Variants in NIFK observed in about 807,000 individuals in gnomAD.
NIFK encodes nucleolar protein interacting with the FHA domain of MKI67.
A neutral mutation model predicts 31.7 loss-of-function variants in NIFK; 16 were observed. The observed-to-expected ratio is 0.50, with a 90% CI of 0.34 to 0.77. The LOEUF is 0.77. Among genes scored for constraint, NIFK ranks in the 30% least tolerant of loss-of-function variants. The pLI is 0.01. For missense variants in NIFK, 341 were observed against 350.4 expected (o/e 0.97, Z 0.21); for synonymous variants, 126 against 123.0 (o/e 1.02, Z -0.16).
At chr2:121,728,119 T>A in intron 6 of NIFK, 169 bp downstream of exon 6, 1 of 681,012 alleles carries the variant, frequency 1.5e-6, no homozygotes, top group South Asian at 2.3e-5. Flanking sequence ...AAATATAGCA[T>A]GTTCCATTAT....
At chr2:121,729,815 CA>C (rs952150851) in intron 4 of NIFK, among the ~76,000 whole-genome samples, 7 of 152,146 alleles carry the variant, frequency 4.6e-5, no homozygotes, top group Non-Finnish European at 8.8e-5. Context: ...GTAAGTTAAA[CA>C]AATCAGATTA....
intron 3 of NIFK, 115 bp downstream of exon 3, chr2:121,731,981 T>C (rs1218692898): frequency 1.5e-6 from 1 of 673,152 alleles, no homozygotes; most frequent in Non-Finnish European, 2.7e-6. Flanking sequence ...TCTGTAAGAC[T>C]CATCCCAGAG....
chr2:121,729,426 T>G (rs1389110167), intron 4 of NIFK, among the ~76,000 whole-genome samples: 1 of 150,068 alleles, frequency 6.7e-6, no homozygotes, highest in East Asian at 2.0e-4. Flanking sequence ...CATACCATAA[T>G]AAGCTTCATT....
In NIFK at chr2:121,727,244, A is replaced by T. The variant is rs1436623955; in HGVS notation, c.*480T>A. The T allele has an allele frequency of 3.0e-6, 1 of 329,976 alleles. No individual in the cohort carries two copies. Among genetic ancestry groups the T allele is most frequent in the Non-Finnish European group, 6.3e-6 (1 of 157,914 alleles). 20.4% of individuals were successfully genotyped at this position (329,976 alleles called of 1,614,324 possible). On this transcript the variant is annotated 3_prime_UTR_variant, in exon 7 of 7. Coordinates refer to ENST00000285814, the MANE Select transcript of NIFK (RefSeq NM_032390.5). ...ATAAACAAATCTGTGCTAAAACTGG[A>T]ACTGCCTTCTCACTCTACATATAAT...
At chr2:121,736,354 G>A (rs1306106443) in intron 1 of NIFK, among the ~76,000 whole-genome samples, 1 of 152,250 alleles carries the variant, frequency 6.6e-6, no homozygotes, top group African/African-American at 2.4e-5. Context: ...TAAGTCTGGG[G>A]CTCCCATTTT....
intron 4 of NIFK, chr2:121,730,571 A>G (rs1448168197): frequency 2.5e-5 from 6 of 240,058 alleles, no homozygotes; most frequent in African/African-American, 4.6e-5. Context: ...CTGGCTGGGC[A>G]CGTGGCTCAT....
intron 4 of NIFK, chr2:121,730,641 C>T (rs1290836281): frequency 2.6e-5 from 11 of 419,722 alleles, no homozygotes; most frequent in South Asian, 1.7e-4. Context: ...GTCAGGAGTT[C>T]GAGACCAGCC....
intron 4 of NIFK, chr2:121,730,456 C>T (rs374246501): frequency 1.2e-5 from 2 of 161,274 alleles, no homozygotes; most frequent in South Asian, 1.7e-4. Flanking sequence ...GCTTGAACCC[C>T]GGAGGCGGAG....
intron 2 of NIFK, among the ~76,000 whole-genome samples, 157 bp downstream of exon 2, chr2:121,735,456 T>G (rs2074572212): frequency 6.6e-6 from 1 of 152,216 alleles, no homozygotes; most frequent in Non-Finnish European, 1.5e-5. Context: ...TAATACTGAT[T>G]TTGCTCCTGT....
chr2:121,728,493 G>A lies in NIFK; in HGVS notation c.608C>T (p.Thr203Met), dbSNP rs377016579. 3.2e-5 allele frequency: 50 copies of A among 1,585,600 alleles called. No homozygotes were observed. The highest frequency in any genetic ancestry group is 6.8e-5 in the African/African-American group (5 of 73,130). The change falls in exon 5 of 7, where the codon ACG becomes ATG. Residue 203 changes from threonine (T) to methionine (M), a missense_variant. Physicochemically the swap from Thr to Met is moderately conservative, Grantham distance 81 (BLOSUM62 -1). Coordinates refer to ENST00000285814, the MANE Select transcript of NIFK (RefSeq NM_032390.5). ...AAATTTTACCTGGCCTTTTGTAGAC[G>A]TCTGACGATTAGTTTTTGAAATACT... ...TESISKTNRQ[T>M]STKGQVLRKK... is the part of the protein sequence containing the mutation.
In NIFK at chr2:121,735,546, C is replaced by G. The variant is rs947119298; in HGVS notation, c.243+67G>C. On this transcript the variant is annotated intron_variant, in intron 2 of 6. Coordinates refer to ENST00000285814, the MANE Select transcript of NIFK (RefSeq NM_032390.5). Reference sequence around the variant, plus strand: ...AAGCAATAATGTATGCGTGAACGTGCTCTTTAATGTCAAGGATAATACACA... The same window carrying G: ...AAGCAATAATGTATGCGTGAACGTGGTCTTTAATGTCAAGGATAATACACA... 5.3e-6 allele frequency: 8 copies of G among 1,498,248 alleles called. No individual in the cohort carries two copies. In the African/African-American group the frequency reaches 1.1e-4, roughly 21 times the overall value. The allele number at this position is 1,498,248 out of a possible 1,614,324, so 92.8% of individuals were successfully genotyped here.
intron 2 of NIFK, among the ~76,000 whole-genome samples, chr2:121,734,258 A>G (rs1433866464): frequency 2.0e-5 from 3 of 151,978 alleles, no homozygotes; most frequent in African/African-American, 4.8e-5. Context: ...ATCGCCCCCC[A>G]AAACAAAACC....
At chr2:121,732,309 A>C in intron 2 of NIFK, 105 bp from the exon 3 acceptor site, 1 of 677,602 alleles carries the variant, frequency 1.5e-6, no homozygotes, top group Non-Finnish European at 2.6e-6. Context: ...GCCCCTTATC[A>C]AATATTACGT....
Position 121,727,822 on chromosome 2 carries a change from C to A in NIFK, c.784G>T (p.Val262Phe). ...ACACAGGATATGGGCTGTTTGAAAA[C>A]TATTTCATCATCTTTATCATCATCA... ...LNDDDKDDEI[V>F]FKQPISCVKE... is the part of the protein sequence containing the mutation. Residue 262 changes from valine to phenylalanine, a missense_variant, in exon 7 of 7, where the codon GTT (valine) becomes TTT (phenylalanine). Val to Phe is a conservative substitution (Grantham distance 50). Coordinates refer to ENST00000285814, the MANE Select transcript of NIFK (RefSeq NM_032390.5). The A allele has an allele frequency of 6.2e-7, 1 of 1,612,718 alleles. No individual in the cohort carries two copies. Among genetic ancestry groups the A allele is most frequent in the Non-Finnish European group, 8.5e-7 (1 of 1,179,732 alleles).
rs1395895669 is a variant in NIFK, at chr2:121,732,117, A to G, written c.331T>C (p.Phe111Leu). The G allele has an allele frequency of 6.2e-7, 1 of 1,608,924 alleles. No individual in the cohort carries two copies. The highest frequency in any genetic ancestry group is 8.5e-7 in the Non-Finnish European group (1 of 1,175,392). The part of the protein sequence containing the change: ...IVAETMNNYL[F>L]GERLLECHFM... Reference sequence around the variant, plus strand: ...TTACACTCCAAGAGTCTTTCACCAAACAGGTAGTTGTTCATTGTTTCAGCA... The same window carrying G: ...TTACACTCCAAGAGTCTTTCACCAAGCAGGTAGTTGTTCATTGTTTCAGCA... The change falls in exon 3 of 7, where the codon TTT becomes CTT. Residue 111 changes from phenylalanine (F) to leucine (L), a missense_variant. By Grantham distance (22) the Phe-to-Leu change is conservative (BLOSUM62 0). Coordinates refer to ENST00000285814, the MANE Select transcript of NIFK (RefSeq NM_032390.5).
chr2:121,734,394 A>ATC (rs2074565017), intron 2 of NIFK, among the ~76,000 whole-genome samples: 3 of 152,322 alleles, frequency 2.0e-5, no homozygotes, highest in Admixed American at 6.5e-5. Context: ...CTGAAGAATG[A>ATC]TAGAGTAATA....
chr2:121,729,968 T>G (rs1290383727), intron 4 of NIFK, among the ~76,000 whole-genome samples: 3 of 152,198 alleles, frequency 2.0e-5, no homozygotes, highest in African/African-American at 7.2e-5. Context: ...ATCCCAGCAC[T>G]TTTGGAGGCT....
chr2:121,728,410 C>T, intron 5 of NIFK, 54 bp from the exon 6 acceptor site: 1 of 1,474,668 alleles, frequency 6.8e-7, no homozygotes, highest in Non-Finnish European at 9.4e-7. Context: ...CTACAGTAGT[C>T]TTGAATATGT....
chr2:121,727,731 T>C lies in NIFK; in HGVS notation c.875A>G (p.Asn292Ser), dbSNP rs1464354979. ...AATATAATACATTGAAAATCACTGA[T>C]TGCTGCTTCTTCGTCTTTTTTTCCG... is the stretch of plus-strand genomic sequence containing the variant. ...HSRKKRRRSSNQ is the reference protein window; with the variant it reads ...HSRKKRRRSSSQ Residue 292 changes from asparagine to serine, a missense_variant, in exon 7 of 7, where the codon AAT (asparagine) becomes AGT (serine). Transcript: ENST00000285814. 2 of 1,595,176 alleles carry C rather than the reference T, an allele frequency of 1.3e-6. No individual in the cohort carries two copies. The highest frequency in any genetic ancestry group is 2.2e-5 in the East Asian group (1 of 44,744).
Sources: allele counts gnomAD v4.1 joint callset (sites outside exome capture counted in the v4.1 genomes callset), GRCh38; gene constraint gnomAD v4.1.1; transcripts MANE v1.5; gene names NCBI Gene and HGNC (gene_info 2026-07-23, HGNC 2026-07-21).